Variants in ANKRD36C observed in about 807,000 individuals in gnomAD.
ANKRD36C encodes the protein ankyrin repeat domain 36C.
A neutral mutation model predicts 276.4 loss-of-function variants in ANKRD36C; 61 were observed. The observed-to-expected ratio is 0.22, with a 90% CI of 0.18 to 0.27. ANKRD36C has a LOEUF of 0.27. Among genes scored for constraint, ANKRD36C ranks in the 10% least tolerant of loss-of-function variants. The pLI is 1.00. For missense variants in ANKRD36C, 1,447 were observed against 2,032.3 expected (o/e 0.71, Z 5.54); for synonymous variants, 483 against 680.1 (o/e 0.71, Z 4.51).
At chr2:95,975,763 C>T (rs1678796841) in intron 6 of ANKRD36C, among the ~76,000 whole-genome samples, 1 of 152,178 alleles carries the variant, frequency 6.6e-6, no homozygotes, top group Admixed American at 6.5e-5. Flanking sequence ...CAACAAAAGC[C>T]AAATATGACA....
At chr2:95,871,572 A>G (rs1187448276) in intron 59 of ANKRD36C, among the ~76,000 whole-genome samples, 2 of 152,170 alleles carry the variant, frequency 1.3e-5, no homozygotes, top group Admixed American at 6.5e-5. Context: ...ATGCCAAAAT[A>G]TAAAGACCAT....
chr2:95,880,447 T>A, exon 58 of ANKRD36C: 1 of 1,555,980 alleles, frequency 6.4e-7, no homozygotes, highest in Non-Finnish European at 8.7e-7. Context: ...TGTTTGTACA[T>A]CTTTCATTTT....
chr2:95,903,348 C>T (rs1676713513), intron 42 of ANKRD36C, among the ~76,000 whole-genome samples: 1 of 150,402 alleles, frequency 6.6e-6, no homozygotes, highest in Non-Finnish European at 1.5e-5. Context: ...TCAATATCAA[C>T]GTGGATATGC....
At chr2:95,953,622 A>C in intron 14 of ANKRD36C, among the ~76,000 whole-genome samples, 1 of 152,134 alleles carries the variant, frequency 6.6e-6, no homozygotes. Flanking sequence ...AAACACTCAA[A>C]TAAGCCTAGA....
chr2:95,882,533 T>C, intron 54 of ANKRD36C, 36 bp from the exon 75 acceptor site: 1 of 1,549,016 alleles, frequency 6.5e-7, no homozygotes, highest in Non-Finnish European at 8.7e-7. Context: ...CCATCATATG[T>C]AAATATGATA....
At chr2:95,987,336 T>C (rs1679049450) in intron 1 of ANKRD36C, 130 bp from the exon 2 acceptor site, 1 of 1,399,026 alleles carries the variant, frequency 7.1e-7, no homozygotes, top group Non-Finnish European at 9.5e-7. Flanking sequence ...TATTACCACA[T>C]TAATGAAAGA....
intron 44 of ANKRD36C, 115 bp from the exon 65 acceptor site, chr2:95,891,975 T>C (rs1676377060): frequency 2.0e-6 from 3 of 1,500,760 alleles, no homozygotes; most frequent in Non-Finnish European, 2.7e-6. Context: ...GCGTAGGCTT[T>C]GATGGCTTCT....
chr2:95,989,515 G>C (rs1679095587), intron 1 of ANKRD36C, among the ~76,000 whole-genome samples: 1 of 151,384 alleles, frequency 6.6e-6, no homozygotes, highest in Non-Finnish European at 1.5e-5. Flanking sequence ...GTCCCATATT[G>C]TCCCATCCTA....
rs548571141 is a variant in ANKRD36C at position 95,958,327 on chromosome 2, C to T, written c.1105+264G>A. Among the ~76,000 whole-genome samples, 87 of 152,028 alleles carry T rather than the reference C, an allele frequency of 5.7e-4. 1 individual carries two copies. The highest frequency in any genetic ancestry group is 1.8e-3 in the African/African-American group (73 of 41,534). ...AGAATTAAAGCAAAATTATGCTGTC[C>T]CCTCAGCCTGTTGTATCTTGAACTG... On this transcript the variant is annotated intron_variant, in intron 12 of 66. Coordinates refer to ENST00000456556, the Ensembl canonical transcript of ANKRD36C.
At chr2:95,937,319 C>T (rs1250250238) in intron 22 of ANKRD36C, among the ~76,000 whole-genome samples, 3 of 152,328 alleles carry the variant, frequency 2.0e-5, no homozygotes, top group Non-Finnish European at 2.9e-5. Context: ...CAGTCATTTA[C>T]GTGAAAAATG....
chr2:95,916,811 T>C (rs1000877139), intron 36 of ANKRD36C, among the ~76,000 whole-genome samples: 14 of 151,646 alleles, frequency 9.2e-5, no homozygotes, highest in African/African-American at 3.4e-4. Flanking sequence ...CTTCCTATAA[T>C]TTCTTCATCT....
intron 46 of ANKRD36C, 143 bp downstream of exon 66, chr2:95,891,522 C>A (rs1451434011): frequency 1.3e-5 from 16 of 1,192,622 alleles, no homozygotes; most frequent in Non-Finnish European, 1.7e-5. Flanking sequence ...CATCATCACC[C>A]AAGAACTTAT....
intron 22 of ANKRD36C, among the ~76,000 whole-genome samples, chr2:95,936,003 G>A (rs371554802): frequency 1.1e-4 from 15 of 138,068 alleles, no homozygotes; most frequent in East Asian, 4.3e-4. Context: ...TGTATTCTCA[G>A]TTCATTAGTT....
exon 62 of ANKRD36C, chr2:95,857,441 G>T (rs1360619663): frequency 5.6e-6 from 9 of 1,595,648 alleles, no homozygotes; most frequent in Non-Finnish European, 7.7e-6. Flanking sequence ...TAACTTTTTG[G>T]TGCAACTCTT....
At chr2:95,851,615 G>A in intron 66 of ANKRD36C, 79 bp downstream of exon 86, 1 of 1,226,680 alleles carries the variant, frequency 8.2e-7, no homozygotes, top group South Asian at 1.4e-5. Flanking sequence ...CAAGCATTTT[G>A]GACAAGGGAT....
rs566161517 is a variant in ANKRD36C, at chr2:95,971,691, AT to A, written c.799+6430del. On this transcript the variant is annotated intron_variant, in intron 6 of 66. Coordinates refer to ENST00000456556, the Ensembl canonical transcript of ANKRD36C. ...CAAGAAAATAACTGATAAATGATTG[AT>A]TTTTTTAATTTCATAATTATAAACA... Among the ~76,000 whole-genome samples, 269 of 152,226 alleles carry A rather than the reference AT, an allele frequency of 1.8e-3. 2 individuals are homozygous for A. Among genetic ancestry groups the A allele is most frequent in the African/African-American group, 5.8e-3 (241 of 41,558 alleles).
chr2:95,919,648 A>AACCC, intron 34 of ANKRD36C, 85 bp downstream of exon 36: 1 of 246,970 alleles, frequency 4.0e-6, no homozygotes, highest in Non-Finnish European at 5.9e-6. Flanking sequence ...GACTCCCCCC[A>AACCC]CCCACCCTCC....
chr2:95,943,935 T>G (rs985573104), intron 19 of ANKRD36C, among the ~76,000 whole-genome samples: 3 of 152,194 alleles, frequency 2.0e-5, no homozygotes, highest in African/African-American at 7.2e-5. Flanking sequence ...GAGATACACA[T>G]TACCTTAACT....
At chr2:95,974,526 A>C (rs1280645823) in intron 6 of ANKRD36C, among the ~76,000 whole-genome samples, 9 of 152,206 alleles carry the variant, frequency 5.9e-5, no homozygotes. Context: ...GGTCATGAAA[A>C]GGGAATTGCA....
Sources: allele counts gnomAD v4.1 joint callset (sites outside exome capture counted in the v4.1 genomes callset), GRCh38; gene constraint gnomAD v4.1.1; transcripts MANE v1.5; gene names NCBI Gene and HGNC (gene_info 2026-07-23, HGNC 2026-07-21).